The following FSTL4 variants were observed in gnomAD, a reference collection of about 807,000 sequenced individuals.
FSTL4 encodes the protein follistatin like 4.
FSTL4 carries 28 observed loss-of-function variants against 78.2 expected under a neutral mutation model. The observed-to-expected ratio is 0.36, with a 90% CI of 0.27 to 0.49. FSTL4 has a LOEUF of 0.49. Ranked by LOEUF, FSTL4 falls within the 20% of genes least tolerant of loss-of-function variation. The pLI is 0.98. For synonymous variants in FSTL4, 422 were observed against 440.5 expected (o/e 0.96, Z 0.53); for missense variants, 922 against 1,084.9 (o/e 0.85, Z 2.11).
At chr5:133,807,670 A>G in the FSTL4 span, among the ~76,000 whole-genome samples, 1 of 152,202 alleles carries the variant, frequency 6.6e-6, no homozygotes, top group East Asian at 1.9e-4. Context: ...GGAAACCAAG[A>G]GGTCTTTGGT....
the FSTL4 span, among the ~76,000 whole-genome samples, chr5:133,691,430 G>A: frequency 6.6e-6 from 1 of 152,084 alleles, no homozygotes; most frequent in Non-Finnish European, 1.5e-5. Context: ...CTGCCAGCCA[G>A]CCCATTATGA....
chr5:133,350,897 A>G (rs1754806956), intron 4 of FSTL4, among the ~76,000 whole-genome samples: 1 of 152,202 alleles, frequency 6.6e-6, no homozygotes, highest in African/African-American at 2.4e-5. Flanking sequence ...GCTCCATCTG[A>G]TTGAAAAGAA....
At chr5:133,740,171 A>C in the FSTL4 span, among the ~76,000 whole-genome samples, 1 of 152,146 alleles carries the variant, frequency 6.6e-6, no homozygotes, top group Admixed American at 6.5e-5. Flanking sequence ...GGCATGCACC[A>C]CCACACCCAG....
chr5:133,263,796 A>G (rs11955543), intron 6 of FSTL4, among the ~76,000 whole-genome samples: 13,819 of 152,200 alleles, frequency 0.091, 1,934 homozygotes, highest in African/African-American at 0.3. Flanking sequence ...GGAGAATTGT[A>G]TGCTACAAGA....
At chr5:133,665,708 G>C in the FSTL4 span, among the ~76,000 whole-genome samples, 2 of 152,190 alleles carry the variant, frequency 1.3e-5, no homozygotes, top group Non-Finnish European at 2.9e-5. Context: ...GCAAAGGCAA[G>C]GGTTAAATGT....
chr5:133,757,118 G>T, the FSTL4 span, among the ~76,000 whole-genome samples: 1 of 152,150 alleles, frequency 6.6e-6, no homozygotes, highest in Non-Finnish European at 1.5e-5. Flanking sequence ...TGCACAAATG[G>T]TCTAACCTGC....
intron 6 of FSTL4, among the ~76,000 whole-genome samples, chr5:133,267,833 C>A (rs1461414983): frequency 1.3e-5 from 2 of 152,106 alleles, no homozygotes; most frequent in Non-Finnish European, 2.9e-5. Flanking sequence ...ACATAGGAGG[C>A]AAACCCTCCT....
At chr5:133,339,798 G>C (rs751386001) in intron 4 of FSTL4, among the ~76,000 whole-genome samples, 2 of 152,196 alleles carry the variant, frequency 1.3e-5, no homozygotes, top group African/African-American at 2.4e-5. Context: ...TTGCCTAGGT[G>C]AGAGCAGAAG....
At chr5:133,271,003 G>A (rs529284188) in intron 6 of FSTL4, among the ~76,000 whole-genome samples, 1 of 152,230 alleles carries the variant, frequency 6.6e-6, no homozygotes, top group East Asian at 1.9e-4. Context: ...TTGTAAGTTG[G>A]AGTTCAGTTA....
At chr5:133,204,945 C>T (rs982758809) in intron 14 of FSTL4, among the ~76,000 whole-genome samples, 2 of 151,726 alleles carry the variant, frequency 1.3e-5, no homozygotes, top group Middle Eastern at 3.4e-3. Flanking sequence ...GCAATGGTTT[C>T]TTTAATCCTA....
At chr5:133,315,955 C>T (rs571267764) in intron 5 of FSTL4, among the ~76,000 whole-genome samples, 37 of 152,298 alleles carry the variant, frequency 2.4e-4, no homozygotes, top group African/African-American at 8.7e-4. Context: ...AGGCAAACCT[C>T]AGGGTGTAAT....
intron 3 of FSTL4, among the ~76,000 whole-genome samples, chr5:133,430,726 C>T (rs1290431926): frequency 6.6e-6 from 1 of 152,180 alleles, no homozygotes; most frequent in African/African-American, 2.4e-5. Context: ...ACCTTAGACA[C>T]AAAACACTGG....
At chr5:133,319,502 G>C (rs975368124) in intron 4 of FSTL4, among the ~76,000 whole-genome samples, 7 of 152,218 alleles carry the variant, frequency 4.6e-5, no homozygotes, top group African/African-American at 1.7e-4. Context: ...GAGCAGGCCA[G>C]GAGCAGGACT....
At chr5:133,321,212 C>T (rs1212146636) in intron 4 of FSTL4, among the ~76,000 whole-genome samples, 3 of 152,084 alleles carry the variant, frequency 2.0e-5, no homozygotes, top group Non-Finnish European at 4.4e-5. Context: ...TGCCCAGGGG[C>T]CTGGCATTGA....
the FSTL4 span, among the ~76,000 whole-genome samples, chr5:133,743,985 C>CG: frequency 2.6e-5 from 4 of 152,336 alleles, no homozygotes; most frequent in South Asian, 8.3e-4. Context: ...AAGAAGCCCA[C>CG]GGCCCTAGGA....
the FSTL4 span, among the ~76,000 whole-genome samples, chr5:133,704,862 G>C: frequency 6.6e-6 from 1 of 152,156 alleles, no homozygotes; most frequent in East Asian, 1.9e-4. Flanking sequence ...ACCCACTACT[G>C]CTCTAAGATG....
chr5:133,498,759 C>A (rs949419536), intron 3 of FSTL4, among the ~76,000 whole-genome samples: 5 of 151,542 alleles, frequency 3.3e-5, no homozygotes, highest in African/African-American at 1.2e-4. Context: ...CCCTTTCCAA[C>A]TTTCCAGAGT....
chr5:133,429,662 A>G (rs1347327613), intron 3 of FSTL4, among the ~76,000 whole-genome samples: 2 of 152,260 alleles, frequency 1.3e-5, no homozygotes, highest in East Asian at 3.9e-4. Context: ...GATTCCCTGT[A>G]CTATGGGTTT....
the FSTL4 span, among the ~76,000 whole-genome samples, chr5:133,752,808 A>C: frequency 6.6e-6 from 1 of 152,096 alleles, no homozygotes; most frequent in African/African-American, 2.4e-5. Flanking sequence ...GACACCCCAG[A>C]ATCTCACACA....
Sources: gnomAD v4.1 joint callset for allele counts (sites outside exome capture counted in the v4.1 genomes callset) on GRCh38, gnomAD v4.1.1 for gene constraint, MANE v1.5 for transcripts, NCBI Gene and HGNC (gene_info 2026-07-23, HGNC 2026-07-21) for gene names.